The following USP37 variants were observed in gnomAD, a reference collection of about 807,000 sequenced individuals.
USP37 encodes the protein ubiquitin specific peptidase 37.
In USP37, 27 loss-of-function variants were observed where a neutral mutation model predicts 124.0. The ratio of observed to expected loss-of-function variants is 0.22; its 90% CI spans 0.16 to 0.30. The LOEUF is 0.30. Among genes scored for constraint, USP37 ranks in the 10% least tolerant of loss-of-function variants. The pLI is 1.00. For synonymous variants in USP37, 365 were observed against 388.0 expected (o/e 0.94, Z 0.70); for missense variants, 889 against 1,140.4 (o/e 0.78, Z 3.17).
chr2:218,503,279 C>G (rs970709202), intron 11 of USP37, among the ~76,000 whole-genome samples: 1 of 152,208 alleles, frequency 6.6e-6, no homozygotes, highest in African/African-American at 2.4e-5. Flanking sequence ...ATTTCTGTCT[C>G]ATCTTTTAAT....
intron 14 of USP37, among the ~76,000 whole-genome samples, chr2:218,491,809 A>AT (rs1688795089): frequency 6.6e-6 from 1 of 152,216 alleles, no homozygotes; most frequent in Non-Finnish European, 1.5e-5. Context: ...GGGAAATGAA[A>AT]GATCAGAGCA....
intron 16 of USP37, among the ~76,000 whole-genome samples, chr2:218,484,165 A>C (rs573555): frequency 0.46 from 70,436 of 151,872 alleles, 19,493 homozygotes; most frequent in East Asian, 0.78. Flanking sequence ...TTTGAAAAAA[A>C]CAAAAAACAC....
chr2:218,516,591 G>A (rs1406018137), intron 10 of USP37, among the ~76,000 whole-genome samples: 1 of 152,142 alleles, frequency 6.6e-6, no homozygotes, highest in African/African-American at 2.4e-5. Flanking sequence ...CCTAATGCAT[G>A]CAGGGCTTAA....
chr2:218,504,310 C>T (rs1409650450), intron 11 of USP37, among the ~76,000 whole-genome samples: 3 of 152,216 alleles, frequency 2.0e-5, no homozygotes, highest in East Asian at 3.9e-4. Context: ...TACTGTTCTA[C>T]GTATATTTCT....
At chr2:218,539,206 G>T (rs1044067061) in intron 8 of USP37, among the ~76,000 whole-genome samples, 3 of 151,994 alleles carry the variant, frequency 2.0e-5, no homozygotes, top group Non-Finnish European at 4.4e-5. Flanking sequence ...CCATCCACCT[G>T]ACTCTGCCTC....
intron 11 of USP37, among the ~76,000 whole-genome samples, chr2:218,503,697 G>A (rs150756295): frequency 0.04 from 6,094 of 151,878 alleles, 397 homozygotes; most frequent in African/African-American, 0.14. Flanking sequence ...CCTGGGCAAC[G>A]AGAGCAAAAC....
At chr2:218,524,686 T>A (rs959846264) in intron 10 of USP37, among the ~76,000 whole-genome samples, 35 of 152,250 alleles carry the variant, frequency 2.3e-4, no homozygotes, top group African/African-American at 8.4e-4. Flanking sequence ...TTCGGCTCAC[T>A]GCAACCTCTG....
intron 11 of USP37, chr2:218,501,167 G>A (rs1689364120): frequency 6.6e-6 from 1 of 151,650 alleles, no homozygotes; most frequent in Non-Finnish European, 1.5e-5. Flanking sequence ...AGCTTCCTGA[G>A]TAGCTGGGGT....
chr2:218,463,343 A>G lies in USP37; in HGVS notation c.2490T>C (p.Asp830=). The part of the protein sequence containing the change: ...QEQEAWEQKE[D]DDLKRATELS... ...ACTCGGTAGCTCTTTTGAGGTCATC[A>G]TCTTCTTTCTGTTCCCAAGCCTCCT... The change falls in exon 22 of 26, where the codon GAT becomes GAC. Residue 830 remains aspartate (D), a synonymous_variant. Transcript: ENST00000258399. 6.2e-7 allele frequency: 1 copy of G among 1,614,042 alleles called. No individual in the cohort carries two copies. Among genetic ancestry groups the G allele is most frequent in the Non-Finnish European group, 8.5e-7 (1 of 1,180,014 alleles).
chr2:218,504,626 G>A (rs937758537), intron 11 of USP37, among the ~76,000 whole-genome samples: 1 of 152,084 alleles, frequency 6.6e-6, no homozygotes, highest in African/African-American at 2.4e-5. Flanking sequence ...GTAGACAGAG[G>A]GTCTTGCTAT....
intron 21 of USP37, 127 bp from the exon 22 acceptor site, chr2:218,463,493 G>T: frequency 1.5e-6 from 1 of 655,222 alleles, no homozygotes; most frequent in Non-Finnish European, 2.5e-6. Flanking sequence ...TGGATGTTTG[G>T]AATATTACCT....
At chr2:218,556,178 TTC>T (rs1297367304) in intron 4 of USP37, among the ~76,000 whole-genome samples, 1 of 152,218 alleles carries the variant, frequency 6.6e-6, no homozygotes, top group Non-Finnish European at 1.5e-5. Context: ...TCAGCCTTAT[TTC>T]TGTTACTCAC....
chr2:218,565,456 A>G (rs758067050), intron 1 of USP37, among the ~76,000 whole-genome samples: 5 of 152,262 alleles, frequency 3.3e-5, no homozygotes, highest in Non-Finnish European at 4.4e-5. Flanking sequence ...CCTAAAGTTT[A>G]TCTCCAATTC....
chr2:218,521,769 CAA>C (rs2106015006), intron 10 of USP37, among the ~76,000 whole-genome samples: 1 of 152,280 alleles, frequency 6.6e-6, no homozygotes, highest in African/African-American at 2.4e-5. Context: ...TACCACAATC[CAA>C]GTAGTCCCCA....
chr2:218,526,042 A>G (rs1690938847), intron 10 of USP37, among the ~76,000 whole-genome samples: 1 of 152,188 alleles, frequency 6.6e-6, no homozygotes, highest in Admixed American at 6.5e-5. Flanking sequence ...ATGGCTGCAT[A>G]GTATTCTACG....
chr2:218,527,200 T>A (rs1410226003), intron 10 of USP37, among the ~76,000 whole-genome samples: 1 of 152,226 alleles, frequency 6.6e-6, no homozygotes, highest in Admixed American at 6.5e-5. Flanking sequence ...TAAATGGTCA[T>A]AATTCTGGCC....
rs757680357 is a variant in USP37 at position 218,523,545 on chromosome 2, GA to G, written c.863+6410del. On this transcript the variant is annotated intron_variant, in intron 10 of 25. Coordinates refer to ENST00000258399, the MANE Select transcript of USP37 (RefSeq NM_020935.3). ...TTTTGTGAATTGATCTTGTATTCCA[GA>G]AACCTTATAAAGCTGTTTTTTGGCG... Among the ~76,000 whole-genome samples the G allele has an allele frequency of 2.4e-4, 36 of 152,082 alleles. 1 individual carries two copies. The highest frequency in any genetic ancestry group is 8.8e-5 in the Non-Finnish European group (6 of 68,022).
At chr2:218,542,394 T>C (rs1182958383) in intron 8 of USP37, among the ~76,000 whole-genome samples, 1 of 152,206 alleles carries the variant, frequency 6.6e-6, no homozygotes, top group South Asian at 2.1e-4. Flanking sequence ...CATGCTAGAC[T>C]GGCATGCACA....
chr2:218,532,372 A>C (rs952852490), intron 9 of USP37, among the ~76,000 whole-genome samples: 2 of 151,468 alleles, frequency 1.3e-5, no homozygotes, highest in Admixed American at 6.6e-5. Context: ...AGGCTGAGGC[A>C]GAAGAATTGC....
Sources: gnomAD v4.1 joint callset for allele counts (sites outside exome capture counted in the v4.1 genomes callset) on GRCh38, gnomAD v4.1.1 for gene constraint, MANE v1.5 for transcripts, NCBI Gene and HGNC (gene_info 2026-07-23, HGNC 2026-07-21) for gene names.